The following DR1 variants were observed in gnomAD, a reference collection of about 807,000 sequenced individuals.
The protein encoded by DR1 is down-regulator of transcription 1.
Under a neutral mutation model 19.9 loss-of-function variants are expected in DR1, and 7 were observed. That is an observed-to-expected ratio of 0.35 (90% CI 0.20 to 0.66). The LOEUF (loss-of-function observed/expected upper bound fraction) is 0.66. DR1 is among the 30% of genes least tolerant of loss of function. The probability of loss-of-function intolerance (pLI) is 0.66; values close to 1 mark genes in which losing one functional copy is unlikely to be tolerated. For synonymous variants in DR1, 76 were observed against 72.5 expected (o/e 1.05, Z -0.24); for missense variants, 98 against 203.7 (o/e 0.48, Z 3.16).
In DR1 at chr1:93,354,086, TA is replaced by T; in HGVS notation, c.384+18del. 1 of 1,607,328 alleles carries T rather than the reference TA, an allele frequency of 6.2e-7. No individual in the cohort carries two copies. The highest frequency in any genetic ancestry group is 1.1e-5 in the South Asian group (1 of 90,060). On this transcript the variant is annotated intron_variant, in intron 2 of 2. Transcript: ENST00000370272. ...TATTTGCAAAAGTAAGTAATTTATT[TA>T]AATTATTTTCCTCTGAATCCTACCC...
intron 1 of DR1, among the ~76,000 whole-genome samples, chr1:93,350,040 G>C (rs930752619): frequency 6.6e-6 from 1 of 152,074 alleles, no homozygotes; most frequent in African/African-American, 2.4e-5. Flanking sequence ...TATTTTTTCC[G>C]AAGGGACACA....
Position 93,346,614 on chromosome 1 carries a change from A to T in DR1, c.-32A>T. 6.3e-7 allele frequency: 1 copy of T among 1,598,250 alleles called. No homozygotes were observed. On this transcript the variant is annotated 5_prime_UTR_variant, in exon 1 of 3. Coordinates refer to ENST00000370272, the MANE Select transcript of DR1 (RefSeq NM_001938.3). Reference sequence around the variant, plus strand: ...AGTGGACCAGAGCTGGGGAGTTTTTAAAAGCCGGGGCGCGAGAAACAGGAA... The same window carrying T: ...AGTGGACCAGAGCTGGGGAGTTTTTTAAAGCCGGGGCGCGAGAAACAGGAA...
At chr1:93,349,787 GA>G (rs1178431227) in intron 1 of DR1, among the ~76,000 whole-genome samples, 13 of 152,020 alleles carry the variant, frequency 8.6e-5, no homozygotes, top group South Asian at 4.1e-4. Flanking sequence ...TAGATCACTG[GA>G]AAAGATGAGG....
chr1:93,355,107 A>T (rs1431371541), intron 2 of DR1: 2 of 152,134 alleles, frequency 1.3e-5, no homozygotes, highest in African/African-American at 4.8e-5. Flanking sequence ...CTATTTATTG[A>T]TATTGCAGAC....
chr1:93,368,987 G>A lies in DR1; in HGVS notation c.*8348G>A, dbSNP rs1373791740. 1.3e-5 allele frequency: 2 copies of A among 151,892 alleles called. No individual in the cohort carries two copies. The highest frequency in any genetic ancestry group is 2.9e-5 in the Non-Finnish European group (2 of 67,956). The allele number at this position is 151,892 out of a possible 1,614,324, so 9.4% of individuals were successfully genotyped here. A position where few individuals can be genotyped will look rare whatever the true frequency, so the allele number is the denominator to read the frequency against. ...AAAAAACAAAAAATAACCCAACAAT[G>A]AAATAGTATAAATTTTAAAAATAAT... On this transcript the variant is annotated 3_prime_UTR_variant, in exon 3 of 3. Coordinates refer to ENST00000370272, the MANE Select transcript of DR1 (RefSeq NM_001938.3).
rs76370240 is a variant in DR1 at position 93,347,297 on chromosome 1, T to G, written c.220+432T>G. Among the ~76,000 whole-genome samples the G allele has an allele frequency of 3.3e-5, 5 of 152,356 alleles. No homozygotes were observed. In the East Asian group the frequency reaches 9.7e-4, roughly 29 times the overall value. ...TTCCCCACCTGACCTTTCACCAATG[T>G]AGAGGAAAAGATTTATTTTCTGAAC... On this transcript the variant is annotated intron_variant, in intron 1 of 2. Transcript: ENST00000370272.
At chr1:93,348,286 T>A (rs1267493549) in intron 1 of DR1, among the ~76,000 whole-genome samples, 1 of 152,110 alleles carries the variant, frequency 6.6e-6, no homozygotes. Context: ...TTTTTTCCCT[T>A]GTGTATTTAT....
At chr1:93,357,193 G>T (rs1338474133) in intron 2 of DR1, among the ~76,000 whole-genome samples, 2 of 152,280 alleles carry the variant, frequency 1.3e-5, no homozygotes, top group South Asian at 2.1e-4. Flanking sequence ...TAAGCAAAAT[G>T]AAGTTTTTGT....
At chr1:93,354,312 A>G (rs1160842305) in intron 2 of DR1, among the ~76,000 whole-genome samples, 1 of 152,170 alleles carries the variant, frequency 6.6e-6, no homozygotes, top group Non-Finnish European at 1.5e-5. Flanking sequence ...ATTTTTTCAG[A>G]CAGAATGACC....
Position 93,368,839 on chromosome 1 carries a change from A to C in DR1, c.*8200A>C, listed in dbSNP as rs1667200213. 1 of 152,186 alleles carries C rather than the reference A, an allele frequency of 6.6e-6. No individual in the cohort carries two copies. Among genetic ancestry groups the C allele is most frequent in the South Asian group, 2.1e-4 (1 of 4,824 alleles). The allele number at this position is 152,186 out of a possible 1,614,324, so 9.4% of individuals were successfully genotyped here. A position where few individuals can be genotyped will look rare whatever the true frequency, so the allele number is the denominator to read the frequency against. On this transcript the variant is annotated 3_prime_UTR_variant, in exon 3 of 3. Transcript: ENST00000370272. ...ACAAAATTTCGTCTGTCTTTATTAT[A>C]AACATGTTGTAAGTGAGGAAACTAA...
Position 93,346,457 on chromosome 1 carries a change from A to G in DR1, c.-189A>G, listed in dbSNP as rs747894027. ...CCCACTTTCTTCCCAAACTCATCCT[A>G]AATCTCTCACACACGCGAGTGTTCC... is the stretch of plus-strand genomic sequence containing the variant. On this transcript the variant is annotated 5_prime_UTR_variant, in exon 1 of 3. Coordinates refer to ENST00000370272, the MANE Select transcript of DR1 (RefSeq NM_001938.3). 6.7e-6 allele frequency: 4 copies of G among 598,458 alleles called. No homozygotes were observed. In the African/African-American group the frequency reaches 7.5e-5, roughly 11 times the overall value. The allele number at this position is 598,458 out of a possible 1,614,324, so 37.1% of individuals were successfully genotyped here.
At chr1:93,355,175 T>C (rs1666964535) in intron 2 of DR1, 1 of 152,190 alleles carries the variant, frequency 6.6e-6, no homozygotes, top group Non-Finnish European at 1.5e-5. Context: ...CTGGATACTT[T>C]AAATACATAA....
At position 93,368,349 on chromosome 1, in the gene DR1, T is replaced by C. The variant is rs1239137392; in HGVS notation, c.*7710T>C. 3 of 152,204 alleles carry C rather than the reference T, an allele frequency of 2.0e-5. No homozygotes were observed. The highest frequency in any genetic ancestry group is 2.0e-4 in the Admixed American group (3 of 15,290). 9.4% of individuals were successfully genotyped at this position (152,204 alleles called of 1,614,324 possible). ...ATATGAATAGCACTTGTCACTAACA[T>C]AGAAAGCAGTAGAGGTGGAAGAGGG... On this transcript the variant is annotated 3_prime_UTR_variant, in exon 3 of 3. Transcript: ENST00000370272.
intron 1 of DR1, among the ~76,000 whole-genome samples, chr1:93,348,154 C>G (rs1004679400): frequency 6.6e-6 from 1 of 151,200 alleles, no homozygotes; most frequent in African/African-American, 2.4e-5. Context: ...TTTCAGTACA[C>G]AAGCAGAAAA....
intron 1 of DR1, among the ~76,000 whole-genome samples, chr1:93,350,653 GTTTTT>G (rs1168023302): frequency 2.6e-5 from 4 of 151,714 alleles, no homozygotes; most frequent in Non-Finnish European, 4.4e-5. Context: ...CTTCTTTTTT[GTTTTT>G]TTAATAGCTG....
intron 2 of DR1, chr1:93,355,750 C>T (rs1570711611): frequency 2.0e-5 from 3 of 152,192 alleles, no homozygotes; most frequent in Middle Eastern, 3.4e-3. Flanking sequence ...TATTTCTTTA[C>T]TATTGTGAGG....
intron 2 of DR1, chr1:93,355,104 T>C (rs1292645304): frequency 6.6e-6 from 1 of 152,146 alleles, no homozygotes; most frequent in Non-Finnish European, 1.5e-5. Flanking sequence ...TGGCTATTTA[T>C]TGATATTGCA....
intron 1 of DR1, among the ~76,000 whole-genome samples, chr1:93,347,257 A>T (rs1429694924): frequency 6.6e-6 from 1 of 152,218 alleles, no homozygotes; most frequent in East Asian, 1.9e-4. Context: ...ACGTGGGTGG[A>T]GACAGAGCAC....
Position 93,366,303 on chromosome 1 carries a change from G to A in DR1, c.*5664G>A, listed in dbSNP as rs916957626. ...TTTGTTTATCAGTTCATCCATTAATGGACACTGGGTTGCTTCTGCTTTTTG... is the reference window on the plus strand; with the variant it reads ...TTTGTTTATCAGTTCATCCATTAATAGACACTGGGTTGCTTCTGCTTTTTG... On this transcript the variant is annotated 3_prime_UTR_variant, in exon 3 of 3. Transcript: ENST00000370272. The A allele has an allele frequency of 6.6e-6, 1 of 152,134 alleles. No individual in the cohort carries two copies. The highest frequency in any genetic ancestry group is 2.4e-5 in the African/African-American group (1 of 41,418). The allele number at this position is 152,134 out of a possible 1,614,324, so 9.4% of individuals were successfully genotyped here.
Sources: gnomAD v4.1 joint callset for allele counts (sites outside exome capture counted in the v4.1 genomes callset) on GRCh38, gnomAD v4.1.1 for gene constraint, MANE v1.5 for transcripts, NCBI Gene and HGNC (gene_info 2026-07-23, HGNC 2026-07-21) for gene names.